Variants in PTBP2 observed in about 807,000 individuals in gnomAD.
The protein encoded by PTBP2 is polypyrimidine tract-binding protein 2.
In PTBP2, 13 loss-of-function variants were observed where a neutral mutation model predicts 61.4. The ratio of observed to expected loss-of-function variants is 0.21; its 90% CI spans 0.14 to 0.34. The LOEUF (loss-of-function observed/expected upper bound fraction) is 0.34, where lower values mean the gene tolerates loss of function less well. PTBP2 is among the 10% of genes least tolerant of loss of function. The pLI is 1.00. For synonymous variants in PTBP2, 215 were observed against 218.5 expected (o/e 0.98, Z 0.14); for missense variants, 405 against 642.6 (o/e 0.63, Z 4.00).
chr1:96,793,271 T>C (rs1165624891), intron 8 of PTBP2, among the ~76,000 whole-genome samples: 1 of 152,246 alleles, frequency 6.6e-6, no homozygotes, highest in Admixed American at 6.5e-5. Context: ...AGCTGAATTT[T>C]TAAAATGTTA....
At chr1:96,733,063 C>A (rs1425277668) in intron 2 of PTBP2, among the ~76,000 whole-genome samples, 1 of 147,398 alleles carries the variant, frequency 6.8e-6, no homozygotes, top group Admixed American at 6.9e-5. Context: ...TGTAACAACA[C>A]AAAGTATTAT....
chr1:96,816,037 C>T (rs1662468948), downstream of PTBP2: 3 of 152,066 alleles, frequency 2.0e-5, no homozygotes, highest in South Asian at 6.2e-4. Flanking sequence ...GGTGGGATTG[C>T]CTTGGGAAGG....
Position 96,799,566 on chromosome 1 carries a change from CAT to C in PTBP2, c.905-5233_905-5232del, listed in dbSNP as rs1243736455. ...CAAGTATTTTTATCCCTCTCATCAA[CAT>C]GTGTAAACAGTTTTTTCCTCACATA... On this transcript the variant is annotated intron_variant, in intron 8 of 13. Coordinates refer to ENST00000674951, the MANE Select transcript of PTBP2 (RefSeq NM_021190.4). Among the ~76,000 whole-genome samples, 9 of 152,156 alleles carry C rather than the reference CAT, an allele frequency of 5.9e-5. 1 individual carries two copies. The South Asian group carries it at 1.7e-3, about 28-fold the overall frequency.
chr1:96,777,856 T>C lies in PTBP2; in HGVS notation c.618T>C (p.Ala206=). The C allele has an allele frequency of 6.3e-7, 1 of 1,581,212 alleles. No homozygotes were observed. Among genetic ancestry groups the C allele is most frequent in the Non-Finnish European group, 8.6e-7 (1 of 1,160,790 alleles). Residue 206 remains alanine (A), a synonymous_variant, in exon 7 of 14, where the codon GCT becomes GCC. Transcript: ENST00000674951. The part of the protein sequence containing the change: ...VLHQIFSKFG[A]VLKIITFTKN... ...AACAGATATTTTCTAAGTTTGGTGC[T>C]GTATTGAAGATAATCACATTTACAA...
At chr1:96,782,293 T>C (rs145429368) in intron 7 of PTBP2, among the ~76,000 whole-genome samples, 112 of 152,140 alleles carry the variant, frequency 7.4e-4, no homozygotes, top group African/African-American at 2.5e-3. Flanking sequence ...GGAGATTCCA[T>C]TTCATCACTA....
At chr1:96,809,824 G>A (rs1050154327) in intron 11 of PTBP2, among the ~76,000 whole-genome samples, 4 of 152,074 alleles carry the variant, frequency 2.6e-5, no homozygotes, top group African/African-American at 9.7e-5. Context: ...TGAAAGAGAA[G>A]TCTTGACGGG....
At chr1:96,796,543 ACT>A (rs1218041950) in intron 8 of PTBP2, among the ~76,000 whole-genome samples, 3 of 152,156 alleles carry the variant, frequency 2.0e-5, no homozygotes, top group African/African-American at 7.2e-5. Flanking sequence ...ATTTGGGGAA[ACT>A]CTCAAAAATG....
rs1025500073 is a variant in PTBP2 at position 96,773,918 on chromosome 1, G to A, written c.432+3067G>A. Among the ~76,000 whole-genome samples, 9 of 149,330 alleles carry A rather than the reference G, an allele frequency of 6.0e-5. No homozygotes were observed. In the South Asian group the frequency reaches 1.5e-3, roughly 25 times the overall value. On this transcript the variant is annotated intron_variant, in intron 5 of 13. Transcript: ENST00000674951. ...GCGGAGCTTGCAGTGAGCCGAGATC[G>A]CGCCACTGCACTTCAGCCTGGGCGA...
intron 11 of PTBP2, 152 bp downstream of exon 11, chr1:96,807,110 T>G (rs961909169): frequency 1.8e-6 from 1 of 570,900 alleles, no homozygotes; most frequent in African/African-American, 2.0e-5. Flanking sequence ...AATAGTTGTA[T>G]GTGACGAACA....
intron 8 of PTBP2, among the ~76,000 whole-genome samples, chr1:96,788,663 G>A (rs537049639): frequency 6.6e-6 from 1 of 151,870 alleles, no homozygotes; most frequent in Admixed American, 6.6e-5. Flanking sequence ...ACAAATATAA[G>A]GTGATACTCT....
rs1182793409 is a variant in PTBP2 at position 96,808,221 on chromosome 1, C to T, written c.1171+1263C>T. On this transcript the variant is annotated intron_variant, in intron 11 of 13. Transcript: ENST00000674951. ...AATTTTTTGCCATGCTCGTAGTCTG[C>T]TTGGGCTGCTGTAACCAAAATACCA... Among the ~76,000 whole-genome samples, 34 of 151,922 alleles carry T rather than the reference C, an allele frequency of 2.2e-4. 1 individual carries two copies. Among genetic ancestry groups the T allele is most frequent in the Admixed American group, 2.2e-3 (34 of 15,240 alleles).
chr1:96,785,365 C>T lies in PTBP2; in HGVS notation c.904+111C>T, dbSNP rs953905636. The T allele has an allele frequency of 1.8e-5, 15 of 816,220 alleles. No individual in the cohort carries two copies. The East Asian group carries it at 3.5e-4, about 19-fold the overall frequency. The allele number at this position is 816,220 out of a possible 1,614,324, so 50.6% of individuals were successfully genotyped here. A position where few individuals can be genotyped will look rare whatever the true frequency, so the allele number is the denominator to read the frequency against. On this transcript the variant is annotated intron_variant, in intron 8 of 13. Transcript: ENST00000674951. ...GACCTTACCAAATTGTGTTAGGTTT[C>T]GTGAGTTTTCTTTTTCTCAAGTGAG...
At chr1:96,762,977 G>A (rs966901457) in intron 3 of PTBP2, among the ~76,000 whole-genome samples, 18 of 150,346 alleles carry the variant, frequency 1.2e-4, no homozygotes, top group African/African-American at 3.9e-4. Flanking sequence ...CATCTCAGAC[G>A]ATGGGCGGCC....
chr1:96,737,003 G>A (rs954392287), intron 2 of PTBP2, among the ~76,000 whole-genome samples: 1 of 148,792 alleles, frequency 6.7e-6, no homozygotes, highest in Non-Finnish European at 1.5e-5. Context: ...TTTTTTAGAC[G>A]GAGTCTCCCT....
chr1:96,788,542 CTT>C (rs1263951360), intron 8 of PTBP2, among the ~76,000 whole-genome samples: 1 of 151,994 alleles, frequency 6.6e-6, no homozygotes, highest in African/African-American at 2.4e-5. Flanking sequence ...AATCAGATGA[CTT>C]CAGCAAACTA....
intron 8 of PTBP2, among the ~76,000 whole-genome samples, chr1:96,799,671 C>A: frequency 6.6e-6 from 1 of 152,058 alleles, no homozygotes; most frequent in East Asian, 1.9e-4. Flanking sequence ...CTGTTAGAGC[C>A]AGTGTATACA....
At position 96,744,978 on chromosome 1, in the gene PTBP2, C is replaced by T. The variant is rs545041808; in HGVS notation, c.40-6447C>T. 7.9e-5 allele frequency among the ~76,000 whole-genome samples: 12 copies of T among 152,086 alleles called. No individual in the cohort carries two copies. In the South Asian group the frequency reaches 2.5e-3, roughly 32 times the overall value. On this transcript the variant is annotated intron_variant, in intron 2 of 13. Transcript: ENST00000674951. ...GTAATTGTCCTCTCACAAATGTATC[C>T]CATTTTGGGTGACAAAATACCTGAT...
chr1:96,752,196 C>A (rs1055293283), intron 3 of PTBP2, among the ~76,000 whole-genome samples: 1 of 151,942 alleles, frequency 6.6e-6, no homozygotes, highest in Non-Finnish European at 1.5e-5. Flanking sequence ...GACGTGTTCT[C>A]ATCTGAATGG....
chr1:96,777,539 T>C (rs948773993), intron 5 of PTBP2, 46 bp from the exon 6 acceptor site: 1 of 1,531,832 alleles, frequency 6.5e-7, no homozygotes. Flanking sequence ...GCAAAGTATG[T>C]GACAATAATG....
Sources: allele counts gnomAD v4.1 joint callset (sites outside exome capture counted in the v4.1 genomes callset), GRCh38; gene constraint gnomAD v4.1.1; transcripts MANE v1.5; gene names NCBI Gene and HGNC (gene_info 2026-07-23, HGNC 2026-07-21).